Variants in LMX1A observed in about 807,000 individuals in gnomAD.
LMX1A encodes the protein LIM homeobox transcription factor 1-alpha.
In LMX1A, 15 loss-of-function variants were observed where a neutral mutation model predicts 49.1. The ratio of observed to expected loss-of-function variants is 0.31; its 90% CI spans 0.20 to 0.47. The LOEUF (loss-of-function observed/expected upper bound fraction) is 0.47. Ranked by LOEUF, LMX1A falls within the 20% of genes least tolerant of loss-of-function variation. The probability of loss-of-function intolerance (pLI) is 1.00; values close to 1 mark genes in which losing one functional copy is unlikely to be tolerated. For missense variants in LMX1A, 372 were observed against 475.8 expected (o/e 0.78, Z 2.03); for synonymous variants, 167 against 185.7 (o/e 0.90, Z 0.82).
chr1:165,231,626 G>C (rs1247756784), intron 4 of LMX1A, among the ~76,000 whole-genome samples: 1 of 152,164 alleles, frequency 6.6e-6, no homozygotes, highest in Non-Finnish European at 1.5e-5. Flanking sequence ...TACTAGAAGA[G>C]AGTTTTAAAT....
intron 3 of LMX1A, among the ~76,000 whole-genome samples, chr1:165,281,730 T>G (rs554122735): frequency 2.7e-5 from 4 of 149,642 alleles, no homozygotes; most frequent in East Asian, 2.0e-4. Flanking sequence ...AGGCAATATT[T>G]TGTGTGTGTG....
At chr1:165,216,609 T>A (rs1284598148) in intron 4 of LMX1A, among the ~76,000 whole-genome samples, 1 of 152,216 alleles carries the variant, frequency 6.6e-6, no homozygotes, top group African/African-American at 2.4e-5. Flanking sequence ...AGTTGTATTA[T>A]CTCCAGAAAC....
chr1:165,296,424 T>C (rs1654624627), intron 3 of LMX1A, among the ~76,000 whole-genome samples: 1 of 152,258 alleles, frequency 6.6e-6, no homozygotes, highest in Non-Finnish European at 1.5e-5. Flanking sequence ...GTGAACCTTC[T>C]CAAGGGAGAG....
At chr1:165,205,352 T>G (rs1423817620) in intron 8 of LMX1A, among the ~76,000 whole-genome samples, 3 of 152,186 alleles carry the variant, frequency 2.0e-5, no homozygotes. Flanking sequence ...AAATCAATGC[T>G]TCTTTGGGTG....
At chr1:165,354,158 C>G (rs2101776308) in intron 2 of LMX1A, among the ~76,000 whole-genome samples, 1 of 152,230 alleles carries the variant, frequency 6.6e-6, no homozygotes, top group African/African-American at 2.4e-5. Context: ...AAGGCCTTGT[C>G]CCCCAGCAAC....
chr1:165,225,740 T>G (rs190559475), intron 4 of LMX1A, among the ~76,000 whole-genome samples: 1 of 152,348 alleles, frequency 6.6e-6, no homozygotes, highest in Admixed American at 6.5e-5. Context: ...TGACTTTCTC[T>G]TTCTACCCAT....
At position 165,251,276 on chromosome 1, in the gene LMX1A, T is replaced by C. The variant is rs181795585; in HGVS notation, c.264-1636A>G. On this transcript the variant is annotated intron_variant, in intron 3 of 8. Coordinates refer to ENST00000342310, the MANE Select transcript of LMX1A (RefSeq NM_177398.4). ...TTTTGTATTTTTAGTAGAGATGAGG[T>C]TTCACCATGTTGGTTAGGCTGGTCT... Among the ~76,000 whole-genome samples, 518 of 152,200 alleles carry C rather than the reference T, an allele frequency of 3.4e-3. 2 individuals carry two copies. Among genetic ancestry groups the C allele is most frequent in the Non-Finnish European group, 6.2e-3 (421 of 68,006 alleles).
At chr1:165,277,279 G>A (rs1171860137) in intron 3 of LMX1A, among the ~76,000 whole-genome samples, 2 of 152,188 alleles carry the variant, frequency 1.3e-5, no homozygotes, top group Non-Finnish European at 2.9e-5. Flanking sequence ...AAGGCTCTGT[G>A]GGTGGCATGT....
chr1:165,209,215 T>C (rs1382596901), intron 6 of LMX1A, among the ~76,000 whole-genome samples: 5 of 152,222 alleles, frequency 3.3e-5, no homozygotes, highest in African/African-American at 4.8e-5. Context: ...GTTCTGAGGA[T>C]GTCAGTTAGA....
At chr1:165,258,429 G>A (rs1320507054) in intron 3 of LMX1A, among the ~76,000 whole-genome samples, 1 of 152,190 alleles carries the variant, frequency 6.6e-6, no homozygotes, top group Non-Finnish European at 1.5e-5. Flanking sequence ...GTCCTGGGGT[G>A]GTGGGAAAGT....
chr1:165,244,834 C>T (rs1026557377), intron 4 of LMX1A, among the ~76,000 whole-genome samples: 1 of 131,858 alleles, frequency 7.6e-6, no homozygotes, highest in African/African-American at 2.9e-5. Flanking sequence ...CTCCTGGAGA[C>T]CTTGGGCATC....
Position 165,262,170 on chromosome 1 carries a change from T to TG in LMX1A, c.264-12531dup, listed in dbSNP as rs1322656875. On this transcript the variant is annotated intron_variant, in intron 3 of 8. Transcript: ENST00000342310. Reference sequence around the variant, plus strand: ...AAGTGAAACTCTCACCAGCCTCCCTTGCAGCTAGGGGTAGCCATGTGAGGT... The same window carrying TG: ...AAGTGAAACTCTCACCAGCCTCCCTTGGCAGCTAGGGGTAGCCATGTGAGGT... 5.3e-5 allele frequency among the ~76,000 whole-genome samples: 8 copies of TG among 152,328 alleles called. No individual in the cohort carries two copies. In the East Asian group the frequency reaches 1.5e-3, roughly 29 times the overall value.
At chr1:165,221,501 G>A (rs990433261) in intron 4 of LMX1A, among the ~76,000 whole-genome samples, 2 of 152,138 alleles carry the variant, frequency 1.3e-5, no homozygotes, top group African/African-American at 2.4e-5. Context: ...AGAGCAGACA[G>A]AAACCAAGCT....
chr1:165,261,226 G>A (rs538967263), intron 3 of LMX1A, among the ~76,000 whole-genome samples: 41 of 152,068 alleles, frequency 2.7e-4, no homozygotes, highest in South Asian at 2.1e-4. Context: ...AAGTGACACC[G>A]TTCTTGTTTC....
At chr1:165,215,678 C>T (rs543994663) in intron 4 of LMX1A, among the ~76,000 whole-genome samples, 10 of 152,260 alleles carry the variant, frequency 6.6e-5, no homozygotes, top group South Asian at 2.1e-4. Flanking sequence ...CTTCCTTCCA[C>T]GAACATTTGA....
intron 6 of LMX1A, among the ~76,000 whole-genome samples, chr1:165,208,771 C>G (rs1413293620): frequency 6.6e-6 from 1 of 152,084 alleles, no homozygotes; most frequent in Admixed American, 6.5e-5. Context: ...CTCAGCCTCC[C>G]GAGTAGGTGG....
chr1:165,302,139 G>C (rs1654798654), intron 3 of LMX1A, among the ~76,000 whole-genome samples: 1 of 151,150 alleles, frequency 6.6e-6, no homozygotes, highest in African/African-American at 2.4e-5. Context: ...CTCTGTACTA[G>C]TGAAAGAAGA....
chr1:165,203,820 C>T lies in LMX1A; in HGVS notation c.*60G>A. ...GGCCTCCCTGTCCTAAAGCCAGTGA[C>T]CCCTCAAAGAATATGGTTGTTCCAT... On this transcript the variant is annotated 3_prime_UTR_variant, in exon 9 of 9. Coordinates refer to ENST00000342310, the MANE Select transcript of LMX1A (RefSeq NM_177398.4). The T allele has an allele frequency of 6.4e-7, 1 of 1,554,608 alleles. No homozygotes were observed. The highest frequency in any genetic ancestry group is 8.8e-7 in the Non-Finnish European group (1 of 1,130,770).
chr1:165,238,584 T>G (rs527478536), intron 4 of LMX1A, among the ~76,000 whole-genome samples: 1 of 152,260 alleles, frequency 6.6e-6, no homozygotes, highest in African/African-American at 2.4e-5. Flanking sequence ...AAGGTGAACT[T>G]GTGACTGATT....
Sources: allele counts gnomAD v4.1 joint callset (sites outside exome capture counted in the v4.1 genomes callset), GRCh38; gene constraint gnomAD v4.1.1; transcripts MANE v1.5; gene names NCBI Gene and HGNC (gene_info 2026-07-23, HGNC 2026-07-21).